The following GALNTL6 variants were observed in gnomAD, a reference collection of about 807,000 sequenced individuals.
GALNTL6 encodes polypeptide N-acetylgalactosaminyltransferase like 6.
In GALNTL6, 46 loss-of-function variants were observed where a neutral mutation model predicts 73.7. That is an observed-to-expected ratio of 0.62 (90% CI 0.49 to 0.80). The LOEUF is 0.80. GALNTL6 is among the 30% of genes least tolerant of loss of function. The pLI is 0.00. For synonymous variants in GALNTL6, 259 were observed against 263.7 expected (o/e 0.98, Z 0.17); for missense variants, 604 against 755.0 (o/e 0.80, Z 2.34).
At chr4:172,996,607 A>T (rs1012568708) in intron 10 of GALNTL6, among the ~76,000 whole-genome samples, 1 of 152,218 alleles carries the variant, frequency 6.6e-6, no homozygotes, top group African/African-American at 2.4e-5. Context: ...TTCTCATGTG[A>T]TCAGAAAAAC....
chr4:172,548,351 A>G (rs1204666663), intron 5 of GALNTL6, among the ~76,000 whole-genome samples: 3 of 152,248 alleles, frequency 2.0e-5, no homozygotes, highest in Admixed American at 2.0e-4. Flanking sequence ...GCACATTTAC[A>G]TAACAAAATG....
chr4:171,934,819 TA>T (rs1268286346), intron 2 of GALNTL6, among the ~76,000 whole-genome samples: 1 of 152,204 alleles, frequency 6.6e-6, no homozygotes, highest in African/African-American at 2.4e-5. Context: ...TTTCTTCCTA[TA>T]TTCCTGTCAT....
intron 4 of GALNTL6, among the ~76,000 whole-genome samples, chr4:172,324,315 G>C (rs181541183): frequency 1.3e-3 from 198 of 151,854 alleles, no homozygotes; most frequent in African/African-American, 4.5e-3. Context: ...TGAATGTTAA[G>C]AATATATTTG....
At chr4:172,484,080 G>A (rs1733587141) in intron 5 of GALNTL6, among the ~76,000 whole-genome samples, 2 of 152,110 alleles carry the variant, frequency 1.3e-5, no homozygotes, top group Admixed American at 6.6e-5. Context: ...TTATTTCAGG[G>A]ACAGCTGTAG....
intron 2 of GALNTL6, among the ~76,000 whole-genome samples, chr4:172,152,334 CA>C (rs1734115994): frequency 6.6e-6 from 1 of 152,126 alleles, no homozygotes; most frequent in Non-Finnish European, 1.5e-5. Context: ...GTTTGTCAGA[CA>C]GGGGAATATG....
At chr4:172,887,957 T>C (rs73002053) in intron 8 of GALNTL6, among the ~76,000 whole-genome samples, 4,586 of 152,328 alleles carry the variant, frequency 0.03, 187 homozygotes, top group African/African-American at 0.085. Context: ...ATTGGTGATG[T>C]TGAGCATGTA....
chr4:172,865,957 G>C (rs1744641998), intron 7 of GALNTL6, among the ~76,000 whole-genome samples: 1 of 152,166 alleles, frequency 6.6e-6, no homozygotes, highest in Non-Finnish European at 1.5e-5. Context: ...GATTTCCAAA[G>C]ACACAAACCT....
chr4:172,111,867 ATCATTC>A (rs1217536153), intron 2 of GALNTL6, among the ~76,000 whole-genome samples: 1 of 149,744 alleles, frequency 6.7e-6, no homozygotes, highest in Admixed American at 6.7e-5. Context: ...TTACATTATC[ATCATTC>A]TTCACCATAG....
intron 2 of GALNTL6, among the ~76,000 whole-genome samples, chr4:172,041,999 C>T (rs946769819): frequency 6.6e-6 from 1 of 152,070 alleles, no homozygotes; most frequent in African/African-American, 2.4e-5. Context: ...AAAGCCAAGA[C>T]TGACCTCTTG....
At chr4:172,991,134 A>G (rs183376907) in intron 10 of GALNTL6, among the ~76,000 whole-genome samples, 2 of 152,326 alleles carry the variant, frequency 1.3e-5, no homozygotes, top group Admixed American at 1.3e-4. Flanking sequence ...AACAAAAATG[A>G]TAACTCAAAA....
chr4:172,689,351 A>T (rs1270549388), intron 5 of GALNTL6, among the ~76,000 whole-genome samples: 1 of 152,212 alleles, frequency 6.6e-6, no homozygotes, highest in Non-Finnish European at 1.5e-5. Context: ...CAAGCCATTT[A>T]ACTTTCTCCA....
intron 4 of GALNTL6, among the ~76,000 whole-genome samples, chr4:172,314,389 C>G (rs1213622087): frequency 1.3e-5 from 2 of 152,010 alleles, no homozygotes; most frequent in Non-Finnish European, 2.9e-5. Context: ...TTTAACTGAA[C>G]TTGATCTTAT....
chr4:171,963,057 C>T (rs529530329), intron 2 of GALNTL6, among the ~76,000 whole-genome samples: 249 of 140,978 alleles, frequency 1.8e-3, no homozygotes, highest in Non-Finnish European at 3.3e-3. Flanking sequence ...TGAGCCACTG[C>T]GCCCAACCTA....
intron 2 of GALNTL6, among the ~76,000 whole-genome samples, chr4:172,120,666 CG>C (rs1560931154): frequency 1.3e-5 from 2 of 150,838 alleles, no homozygotes. Context: ...AAAATAAAGT[CG>C]GGGGGTGGGG....
chr4:172,780,793 G>A (rs1579472699), intron 5 of GALNTL6, among the ~76,000 whole-genome samples: 1 of 152,158 alleles, frequency 6.6e-6, no homozygotes, highest in East Asian at 1.9e-4. Context: ...ATCCCTCTGT[G>A]TTTGAAAGAG....
intron 5 of GALNTL6, among the ~76,000 whole-genome samples, chr4:172,630,225 A>G (rs1437151438): frequency 1.3e-5 from 2 of 152,212 alleles, no homozygotes; most frequent in African/African-American, 2.4e-5. Flanking sequence ...TACAAACCTA[A>G]AAAGACTCAA....
intron 2 of GALNTL6, among the ~76,000 whole-genome samples, chr4:172,122,449 T>C (rs1733177598): frequency 6.6e-6 from 1 of 152,210 alleles, no homozygotes; most frequent in African/African-American, 2.4e-5. Flanking sequence ...TGGTGAACTT[T>C]CTGTGTGACC....
At position 172,135,017 on chromosome 4, in the gene GALNTL6, C is replaced by G. The variant is rs185853902; in HGVS notation, c.139-94639C>G. Among the ~76,000 whole-genome samples, 651 of 152,222 alleles carry G rather than the reference C, an allele frequency of 4.3e-3. 4 individuals are homozygous for G. The highest frequency in any genetic ancestry group is 0.015 in the African/African-American group (618 of 41,544). The stretch of plus-strand genomic sequence containing the variant: ...GTCTAGGTGCATGCCTACTTTTTTA[C>G]TAAACAGTGAGATCATTTATGATGA... On this transcript the variant is annotated intron_variant, in intron 2 of 12. Transcript: ENST00000506823.
chr4:172,051,020 C>A (rs775431038), intron 2 of GALNTL6, among the ~76,000 whole-genome samples: 1 of 152,270 alleles, frequency 6.6e-6, no homozygotes, highest in Middle Eastern at 3.4e-3. Flanking sequence ...CATAAGTTTC[C>A]TCCTGAAACC....
Sources: allele counts gnomAD v4.1 joint callset (sites outside exome capture counted in the v4.1 genomes callset), GRCh38; gene constraint gnomAD v4.1.1; transcripts MANE v1.5; gene names NCBI Gene and HGNC (gene_info 2026-07-23, HGNC 2026-07-21).